Variants in FGF14 observed in about 807,000 individuals in gnomAD.
FGF14 encodes the protein fibroblast growth factor homologous factor 4.
In FGF14, 5 loss-of-function variants were observed where a neutral mutation model predicts 25.5. The ratio of observed to expected loss-of-function variants is 0.20; its 90% CI spans 0.10 to 0.41. The LOEUF (loss-of-function observed/expected upper bound fraction) is 0.41. Among genes scored for constraint, FGF14 ranks in the 10% least tolerant of loss-of-function variants. FGF14 has a pLI of 1.00. For synonymous variants in FGF14, 138 were observed against 118.3 expected, an observed-to-expected ratio of 1.17 and a Z score of -1.08; for missense variants, 222 against 320.1, an observed-to-expected ratio of 0.69 and a Z score of 2.34.
At chr13:102,227,187 T>C (rs1395171694) in intron 1 of FGF14, among the ~76,000 whole-genome samples, 2 of 152,132 alleles carry the variant, frequency 1.3e-5, no homozygotes, top group African/African-American at 4.8e-5. Context: ...TCCCATTCCA[T>C]CCAACTAGGG....
chr13:102,354,543 C>T (rs534657247), intron 1 of FGF14, among the ~76,000 whole-genome samples: 18 of 152,250 alleles, frequency 1.2e-4, no homozygotes, highest in African/African-American at 4.3e-4. Context: ...TGTCTCATGT[C>T]TCCCTAAAAT....
intron 1 of FGF14, among the ~76,000 whole-genome samples, chr13:102,161,667 G>GTC (rs766702253): frequency 0.083 from 4,050 of 48,934 alleles, 395 homozygotes; most frequent in Middle Eastern, 0.19. Flanking sequence ...AGAAGAAGAA[G>GTC]AAGAAGAAGA....
intron 3 of FGF14, among the ~76,000 whole-genome samples, chr13:101,770,666 A>G (rs1011804257): frequency 6.6e-6 from 1 of 152,144 alleles, no homozygotes; most frequent in African/African-American, 2.4e-5. Context: ...GTTAAAGTGC[A>G]TAGTGAAAAA....
At chr13:101,760,562 C>T (rs1372846686) in intron 3 of FGF14, among the ~76,000 whole-genome samples, 1 of 152,166 alleles carries the variant, frequency 6.6e-6, no homozygotes, top group Non-Finnish European at 1.5e-5. Context: ...TGATCAAAAG[C>T]CGTCAGTGGC....
chr13:101,842,670 G>A (rs1000692397), intron 3 of FGF14, among the ~76,000 whole-genome samples: 1 of 151,992 alleles, frequency 6.6e-6, no homozygotes, highest in East Asian at 1.9e-4. Context: ...GTTGAGGAGA[G>A]GGAGAGAACA....
At chr13:102,350,369 CTTTA>C in intron 1 of FGF14, among the ~76,000 whole-genome samples, 1 of 140,442 alleles carries the variant, frequency 7.1e-6, no homozygotes, top group East Asian at 2.0e-4. Context: ...GTGAAACCCT[CTTTA>C]ATTAAAAAAA....
At chr13:102,095,936 T>A (rs540363487) in intron 1 of FGF14, among the ~76,000 whole-genome samples, 27 of 151,608 alleles carry the variant, frequency 1.8e-4, no homozygotes, top group South Asian at 4.2e-4. Context: ...CCCCAAACCT[T>A]CATGTTGTTC....
chr13:102,361,358 T>C (rs1303498910), intron 1 of FGF14, among the ~76,000 whole-genome samples: 1 of 152,164 alleles, frequency 6.6e-6, no homozygotes, highest in Admixed American at 6.6e-5. Context: ...GAACGGAAGT[T>C]AACCTGGCTT....
chr13:101,864,836 G>T (rs2044612649), intron 3 of FGF14, among the ~76,000 whole-genome samples: 1 of 151,870 alleles, frequency 6.6e-6, no homozygotes, highest in Non-Finnish European at 1.5e-5. Flanking sequence ...ATACCAATAA[G>T]GAATCTCTAT....
At chr13:102,039,682 T>G (rs750599875) in intron 1 of FGF14, among the ~76,000 whole-genome samples, 12 of 152,180 alleles carry the variant, frequency 7.9e-5, no homozygotes, top group Non-Finnish European at 1.8e-4. Flanking sequence ...TTAACTTGAT[T>G]ACGTCTGCTA....
At chr13:102,028,987 A>G (rs2139920990) in intron 1 of FGF14, among the ~76,000 whole-genome samples, 1 of 152,170 alleles carries the variant, frequency 6.6e-6, no homozygotes, top group East Asian at 1.9e-4. Flanking sequence ...TCAGCAGAAC[A>G]CATTCTCTGG....
At chr13:102,196,872 T>C (rs1161040725) in intron 1 of FGF14, among the ~76,000 whole-genome samples, 1 of 152,112 alleles carries the variant, frequency 6.6e-6, no homozygotes, top group Non-Finnish European at 1.5e-5. Flanking sequence ...TTTTCAGAGA[T>C]AAATCACTGG....
chr13:102,209,596 G>A (rs112149059), intron 1 of FGF14, among the ~76,000 whole-genome samples: 22 of 152,160 alleles, frequency 1.4e-4, no homozygotes, highest in African/African-American at 5.3e-4. Context: ...TCCAGTGAGA[G>A]GCAGCTATAA....
intron 1 of FGF14, among the ~76,000 whole-genome samples, chr13:102,259,965 C>G (rs2052638207): frequency 6.6e-6 from 1 of 152,174 alleles, no homozygotes; most frequent in East Asian, 1.9e-4. Flanking sequence ...ACAGAGGGAG[C>G]TGTTTCCCAC....
At chr13:102,235,429 A>G (rs560135587) in intron 1 of FGF14, among the ~76,000 whole-genome samples, 1 of 152,208 alleles carries the variant, frequency 6.6e-6, no homozygotes, top group African/African-American at 2.4e-5. Context: ...TCTGTGAGCC[A>G]TAAGTGCCCT....
At chr13:102,142,461 A>G (rs2046682446) in intron 1 of FGF14, among the ~76,000 whole-genome samples, 1 of 152,062 alleles carries the variant, frequency 6.6e-6, no homozygotes, top group Admixed American at 6.6e-5. Context: ...TAATCTTGTC[A>G]CCCTGGATGT....
chr13:102,160,595 A>G (rs533734166), intron 1 of FGF14, among the ~76,000 whole-genome samples: 1 of 152,056 alleles, frequency 6.6e-6, no homozygotes, highest in Non-Finnish European at 1.5e-5. Flanking sequence ...CGTATGCCTG[A>G]CAATAGCTTC....
chr13:102,385,583 TATGAA>T (rs1225804327), intron 1 of FGF14, among the ~76,000 whole-genome samples: 2 of 152,222 alleles, frequency 1.3e-5, no homozygotes, highest in Admixed American at 6.5e-5. Context: ...CTGATGTGGA[TATGAA>T]ATATCATTTT....
chr13:102,369,533 C>A (rs1342773592), intron 1 of FGF14, among the ~76,000 whole-genome samples: 1 of 152,130 alleles, frequency 6.6e-6, no homozygotes, highest in East Asian at 1.9e-4. Flanking sequence ...TGGCTGCAGA[C>A]ATTATCCAAA....
Sources: allele counts gnomAD v4.1 joint callset (sites outside exome capture counted in the v4.1 genomes callset), GRCh38; gene constraint gnomAD v4.1.1; transcripts MANE v1.5; gene names NCBI Gene and HGNC (gene_info 2026-07-23, HGNC 2026-07-21).